The following GOLM1 variants were observed in gnomAD, a reference collection of about 807,000 sequenced individuals.
The protein encoded by GOLM1 is epididymis luminal protein 46.
In GOLM1, 31 loss-of-function variants were observed where a neutral mutation model predicts 50.5. That is an observed-to-expected ratio of 0.61 (90% CI 0.46 to 0.83). The LOEUF (loss-of-function observed/expected upper bound fraction) is 0.83, where lower values mean the gene tolerates loss of function less well. GOLM1 is among the 40% of genes least tolerant of loss of function. The probability of loss-of-function intolerance (pLI) is 0.00; values close to 1 mark genes in which losing one functional copy is unlikely to be tolerated. For missense variants in GOLM1, 491 were observed against 501.3 expected (o/e 0.98, Z 0.20); for synonymous variants, 178 against 192.8 (o/e 0.92, Z 0.64).
At chr9:86,094,915 C>CT (rs1316466766) in intron 1 of GOLM1, among the ~76,000 whole-genome samples, 1 of 152,076 alleles carries the variant, frequency 6.6e-6, no homozygotes, top group South Asian at 2.1e-4. Context: ...GAAACCCTGT[C>CT]TTTACTAAAA....
intron 1 of GOLM1, chr9:86,079,670 T>G: frequency 4.7e-6 from 1 of 213,522 alleles, no homozygotes. Context: ...GTAAAATCAT[T>G]ACCATACTCA....
intron 1 of GOLM1, among the ~76,000 whole-genome samples, chr9:86,083,454 G>A (rs889455937): frequency 6.6e-6 from 1 of 152,154 alleles, no homozygotes; most frequent in African/African-American, 2.4e-5. Context: ...GCACGAACTT[G>A]GCTCACTGCA....
chr9:86,055,770 G>T (rs577514059), intron 3 of GOLM1, among the ~76,000 whole-genome samples: 2 of 152,310 alleles, frequency 1.3e-5, no homozygotes, highest in African/African-American at 4.8e-5. Context: ...ATAGAAAGGT[G>T]GCTGTCCAGG....
intron 3 of GOLM1, among the ~76,000 whole-genome samples, chr9:86,052,807 G>A (rs894145477): frequency 9.1e-6 from 1 of 109,866 alleles, no homozygotes; most frequent in African/African-American, 3.7e-5. Context: ...CTCTGGACCC[G>A]AGCAAAAGCC....
chr9:86,030,817 T>A (rs72746683), intron 9 of GOLM1, among the ~76,000 whole-genome samples: 11,030 of 152,262 alleles, frequency 0.072, 543 homozygotes, highest in Middle Eastern at 0.14. Context: ...TATACAGAAA[T>A]TTTTTGCTTT....
intron 6 of GOLM1, among the ~76,000 whole-genome samples, chr9:86,039,678 A>G (rs1587700315): frequency 6.6e-6 from 1 of 152,134 alleles, no homozygotes; most frequent in Admixed American, 6.6e-5. Flanking sequence ...AGTCAAAGAT[A>G]CCAGACAGTC....
rs1431633005 is a variant in GOLM1 at position 86,099,547 on chromosome 9, C to G, written c.-158G>C. The G allele has an allele frequency of 4.7e-5, 7 of 148,056 alleles. No individual in the cohort carries two copies. The highest frequency in any genetic ancestry group is 1.7e-4 in the African/African-American group (7 of 40,998). 9.2% of individuals were successfully genotyped at this position (148,056 alleles called of 1,614,324 possible). ...CGCCCAGCGCCTCCGCGTCCAGCGC[C>G]GCCGCGTCTCCGGCCTCCGCAGCGG... On this transcript the variant is annotated 5_prime_UTR_variant, in exon 1 of 10. Coordinates refer to ENST00000388712, the MANE Select transcript of GOLM1 (RefSeq NM_016548.4).
chr9:86,033,998 T>G (rs1411247051), intron 8 of GOLM1, among the ~76,000 whole-genome samples: 3 of 147,896 alleles, frequency 2.0e-5, no homozygotes, highest in Non-Finnish European at 3.0e-5. Flanking sequence ...GGAGTCTCAC[T>G]CTGTCGCCCA....
chr9:86,054,457 C>A (rs1833925384), intron 3 of GOLM1, among the ~76,000 whole-genome samples: 1 of 152,140 alleles, frequency 6.6e-6, no homozygotes, highest in South Asian at 2.1e-4. Flanking sequence ...CTTCTGACCT[C>A]AAGTGATTCG....
chr9:86,082,151 C>T (rs1834802926), intron 1 of GOLM1, among the ~76,000 whole-genome samples: 1 of 149,932 alleles, frequency 6.7e-6, no homozygotes, highest in Non-Finnish European at 1.5e-5. Context: ...GCCTCAGCCT[C>T]CCGAGTAGCT....
At chr9:86,049,015 C>T (rs927493321) in intron 4 of GOLM1, among the ~76,000 whole-genome samples, 3 of 152,196 alleles carry the variant, frequency 2.0e-5, no homozygotes, top group African/African-American at 4.8e-5. Context: ...TTAGGTCTAA[C>T]ATTTAAGTCT....
chr9:86,089,389 C>T (rs534944677), intron 1 of GOLM1, among the ~76,000 whole-genome samples: 1 of 152,286 alleles, frequency 6.6e-6, no homozygotes, highest in African/African-American at 2.4e-5. Flanking sequence ...CTTTCAGGTA[C>T]ACCAATCAAA....
intron 4 of GOLM1, among the ~76,000 whole-genome samples, chr9:86,047,866 A>G (rs558147006): frequency 1.1e-4 from 16 of 152,310 alleles, no homozygotes; most frequent in Admixed American, 9.2e-4. Flanking sequence ...ATCTGTATGC[A>G]TGTACCCAAT....
At chr9:86,087,867 C>T (rs940753833) in intron 1 of GOLM1, among the ~76,000 whole-genome samples, 1 of 152,134 alleles carries the variant, frequency 6.6e-6, no homozygotes, top group Non-Finnish European at 1.5e-5. Flanking sequence ...ATTTCCCCAT[C>T]GATGTTCATC....
In GOLM1 at chr9:86,079,311, A is replaced by G. The variant is rs1221275386; in HGVS notation, c.10T>C (p.Leu4=). Residue 4 remains leucine, a synonymous_variant, in exon 2 of 10, where the codon TTG becomes CTG. Coordinates refer to ENST00000388712, the MANE Select transcript of GOLM1 (RefSeq NM_016548.4). ...TTCATGCTGCGACGCCCGTTTCCCA[A>G]GCCCATCATCTCAAAATCAGCGCTG... MMG[L]GNGRRSMKSP... is the part of the protein sequence containing the mutation. The G allele has an allele frequency of 6.3e-7, 1 of 1,593,422 alleles. No homozygotes were observed.
At chr9:86,099,579 C>T (rs569322807), upstream of GOLM1, 14 of 147,892 alleles carry the variant, frequency 9.5e-5, no homozygotes, top group African/African-American at 2.9e-4. Flanking sequence ...GCGGCAAGGC[C>T]CCGCCCCCGA....
intron 3 of GOLM1, among the ~76,000 whole-genome samples, chr9:86,069,974 C>T (rs1198377613): frequency 6.6e-6 from 1 of 152,056 alleles, no homozygotes; most frequent in Non-Finnish European, 1.5e-5. Flanking sequence ...ACCTCCGCCT[C>T]CCGGGTTCAA....
intron 9 of GOLM1, among the ~76,000 whole-genome samples, chr9:86,032,225 C>T (rs1833008626): frequency 6.6e-6 from 1 of 151,978 alleles, no homozygotes; most frequent in Non-Finnish European, 1.5e-5. Context: ...TGGAGTGCAG[C>T]GGTGCGATCT....
At chr9:86,052,187 G>A (rs369293432) in intron 4 of GOLM1, among the ~76,000 whole-genome samples, 4 of 152,150 alleles carry the variant, frequency 2.6e-5, no homozygotes, top group African/African-American at 7.2e-5. Context: ...TAAGTTTCAT[G>A]CAGACAATCT....
Sources: gnomAD v4.1 joint callset for allele counts (sites outside exome capture counted in the v4.1 genomes callset) on GRCh38, gnomAD v4.1.1 for gene constraint, MANE v1.5 for transcripts, NCBI Gene and HGNC (gene_info 2026-07-23, HGNC 2026-07-21) for gene names.